The following CTNNA3 variants were observed in gnomAD, a reference collection of about 807,000 sequenced individuals.
CTNNA3 encodes catenin alpha 3.
A neutral mutation model predicts 95.7 loss-of-function variants in CTNNA3; 76 were observed. The observed-to-expected ratio is 0.79, with a 90% CI of 0.66 to 0.96. CTNNA3 has a LOEUF of 0.96. Among genes scored for constraint, CTNNA3 ranks in the 40% least tolerant of loss-of-function variants. The probability of loss-of-function intolerance (pLI) is 0.00; values close to 1 mark genes in which losing one functional copy is unlikely to be tolerated. For missense variants in CTNNA3, 1,191 were observed against 1,089.8 expected, an observed-to-expected ratio of 1.09 and a Z score of -1.31; for synonymous variants, 431 against 374.4, an observed-to-expected ratio of 1.15 and a Z score of -1.74.
chr10:67,028,494 C>A (rs1236846283), intron 7 of CTNNA3, among the ~76,000 whole-genome samples: 2 of 151,336 alleles, frequency 1.3e-5, no homozygotes, highest in African/African-American at 4.9e-5. Flanking sequence ...TGGCATCTGG[C>A]AAACTAGGAA....
intron 11 of CTNNA3, among the ~76,000 whole-genome samples, chr10:66,438,282 G>A (rs2093351749): frequency 6.6e-6 from 1 of 152,080 alleles, no homozygotes; most frequent in Non-Finnish European, 1.5e-5. Context: ...TTTAAGTCTG[G>A]TGAAGCTGTG....
At chr10:66,751,137 GCA>G (rs1434442208) in intron 9 of CTNNA3, among the ~76,000 whole-genome samples, 1 of 151,988 alleles carries the variant, frequency 6.6e-6, no homozygotes, top group Non-Finnish European at 1.5e-5. Context: ...GCATGGTGGT[GCA>G]TGCCTGTAAT....
intron 13 of CTNNA3, among the ~76,000 whole-genome samples, chr10:66,248,036 T>G (rs1403498931): frequency 6.6e-6 from 1 of 152,126 alleles, no homozygotes; most frequent in Non-Finnish European, 1.5e-5. Context: ...TCAAAAATAA[T>G]AAAGGATTAC....
intron 11 of CTNNA3, among the ~76,000 whole-genome samples, chr10:66,485,548 T>C (rs1408133735): frequency 6.6e-6 from 1 of 152,076 alleles, no homozygotes; most frequent in Non-Finnish European, 1.5e-5. Flanking sequence ...AGGTGAAAGA[T>C]CTGTTTACTA....
In CTNNA3 at chr10:66,723,384, G is replaced by T. The variant is rs114161188; in HGVS notation, c.1281+42880C>A. On this transcript the variant is annotated intron_variant, in intron 9 of 17. Coordinates refer to ENST00000433211, the MANE Select transcript of CTNNA3 (RefSeq NM_013266.4). ...CTAAATCCTACAATCCTCTACGAATGGAAGCAATAGCACTACAGTTAACAC... is the reference window on the plus strand; with the variant it reads ...CTAAATCCTACAATCCTCTACGAATTGAAGCAATAGCACTACAGTTAACAC... Among the ~76,000 whole-genome samples the T allele has an allele frequency of 3.9e-3, 597 of 152,192 alleles. 6 individuals are homozygous for T. The highest frequency in any genetic ancestry group is 0.014 in the African/African-American group (584 of 41,518).
At chr10:67,612,807 C>T (rs1215083997) in intron 2 of CTNNA3, among the ~76,000 whole-genome samples, 1 of 152,146 alleles carries the variant, frequency 6.6e-6, no homozygotes, top group East Asian at 1.9e-4. Flanking sequence ...TCTCCAAGTC[C>T]TTGTCATCCA....
intron 17 of CTNNA3, among the ~76,000 whole-genome samples, chr10:65,963,659 T>C (rs775603995): frequency 7.9e-5 from 12 of 152,226 alleles, no homozygotes; most frequent in Non-Finnish European, 1.8e-4. Flanking sequence ...GAAATTATCA[T>C]ATAATCATCT....
chr10:67,500,027 G>A (rs1047204996), intron 5 of CTNNA3, among the ~76,000 whole-genome samples: 1 of 151,902 alleles, frequency 6.6e-6, no homozygotes, highest in Non-Finnish European at 1.5e-5. Context: ...TGACGTTAGG[G>A]TGTCAATTTT....
chr10:65,941,034 C>A (rs372871809), intron 17 of CTNNA3, among the ~76,000 whole-genome samples: 1 of 152,168 alleles, frequency 6.6e-6, no homozygotes, highest in African/African-American at 2.4e-5. Flanking sequence ...AAGAAGATTA[C>A]TTATCCTTTC....
chr10:66,136,153 C>T (rs895597922), intron 13 of CTNNA3, among the ~76,000 whole-genome samples: 5 of 152,100 alleles, frequency 3.3e-5, no homozygotes, highest in African/African-American at 4.8e-5. Context: ...CCGTCCTTCT[C>T]GGCCTTCCAA....
At chr10:67,185,204 C>T (rs1459174607) in intron 6 of CTNNA3, among the ~76,000 whole-genome samples, 1 of 151,996 alleles carries the variant, frequency 6.6e-6, no homozygotes, top group African/African-American at 2.4e-5. Context: ...TCTCGGCTCA[C>T]TGCAACCTCT....
chr10:67,724,034 ACAGTTCTGAGTAGCATGATGCCC>A (rs925846758), intron 1 of CTNNA3, among the ~76,000 whole-genome samples: 1 of 152,076 alleles, frequency 6.6e-6, no homozygotes, highest in African/African-American at 2.4e-5. Context: ...CAATTCTCAA[ACAGTTCTGAGTAGCATGATGCCC>A]CAGCTGGGCT....
chr10:67,446,771 TA>T (rs1417807241), intron 5 of CTNNA3, among the ~76,000 whole-genome samples: 1 of 152,118 alleles, frequency 6.6e-6, no homozygotes, highest in Non-Finnish European at 1.5e-5. Context: ...TGTGGAAGGA[TA>T]ATAGCCCAAC....
intron 7 of CTNNA3, among the ~76,000 whole-genome samples, chr10:66,888,334 A>G (rs1203615818): frequency 6.6e-6 from 1 of 152,134 alleles, no homozygotes; most frequent in Non-Finnish European, 1.5e-5. Context: ...CTCCCCTGGA[A>G]CCTCCAGAAA....
At chr10:66,483,194 T>A (rs1839601889) in intron 11 of CTNNA3, among the ~76,000 whole-genome samples, 1 of 152,230 alleles carries the variant, frequency 6.6e-6, no homozygotes, top group African/African-American at 2.4e-5. Context: ...CCCTACTTAT[T>A]ATTGTATATC....
chr10:67,103,056 T>A (rs1186765747), intron 7 of CTNNA3, among the ~76,000 whole-genome samples: 1 of 151,856 alleles, frequency 6.6e-6, no homozygotes, highest in East Asian at 1.9e-4. Flanking sequence ...AAATCCCTTG[T>A]GTCAATACTA....
intron 12 of CTNNA3, among the ~76,000 whole-genome samples, chr10:66,296,479 A>C (rs1564846527): frequency 6.6e-6 from 1 of 152,064 alleles, no homozygotes; most frequent in Non-Finnish European, 1.5e-5. Context: ...CATATTTTGT[A>C]TTTATCCCTA....
chr10:66,528,454 T>C (rs534624869), intron 10 of CTNNA3, among the ~76,000 whole-genome samples: 1 of 152,334 alleles, frequency 6.6e-6, no homozygotes, highest in Admixed American at 6.5e-5. Flanking sequence ...ATTTTCTTTG[T>C]GTCCCTCTAG....
At chr10:66,813,244 A>G (rs1841950235) in intron 7 of CTNNA3, among the ~76,000 whole-genome samples, 1 of 152,072 alleles carries the variant, frequency 6.6e-6, no homozygotes, top group Non-Finnish European at 1.5e-5. Context: ...CAAAATCCAC[A>G]CTCAAATTGC....
Sources: gnomAD v4.1 joint callset for allele counts (sites outside exome capture counted in the v4.1 genomes callset) on GRCh38, gnomAD v4.1.1 for gene constraint, MANE v1.5 for transcripts, NCBI Gene and HGNC (gene_info 2026-07-23, HGNC 2026-07-21) for gene names.